The following ITGA4 variants were observed in gnomAD, a reference collection of about 807,000 sequenced individuals.
ITGA4 encodes the protein integrin alpha-4.
In ITGA4, 63 loss-of-function variants were observed where a neutral mutation model predicts 133.6. The ratio of observed to expected loss-of-function variants is 0.47; its 90% CI spans 0.38 to 0.58. ITGA4 has a LOEUF of 0.58. Among genes scored for constraint, ITGA4 ranks in the 20% least tolerant of loss-of-function variants. The pLI, the probability that ITGA4 is intolerant of heterozygous loss-of-function variation, is 0.00. For synonymous variants in ITGA4, 483 were observed against 438.0 expected, an observed-to-expected ratio of 1.10 and a Z score of -1.28; for missense variants, 1,076 against 1,252.7, an observed-to-expected ratio of 0.86 and a Z score of 2.13.
At chr2:181,491,834 T>C (rs1686054988) in intron 10 of ITGA4, among the ~76,000 whole-genome samples, 1 of 152,202 alleles carries the variant, frequency 6.6e-6, no homozygotes, top group Admixed American at 6.5e-5. Flanking sequence ...CAAATCTGAC[T>C]CCAGTTATTC....
At position 181,475,080 on chromosome 2, in the gene ITGA4, C is replaced by T; in HGVS notation, c.426+14C>T. 6.2e-7 allele frequency: 1 copy of T among 1,613,136 alleles called. No individual in the cohort carries two copies. The highest frequency in any genetic ancestry group is 8.5e-7 in the Non-Finnish European group (1 of 1,179,184). ...GGATCCATCGTGGTAGGTATTGGAA[C>T]TGGTCCACAGATCCATCGTGAAATC... On this transcript the variant is annotated intron_variant, in intron 3 of 27. Transcript: ENST00000397033.
chr2:181,460,410 T>C (rs1306523873), intron 2 of ITGA4, among the ~76,000 whole-genome samples: 2 of 152,162 alleles, frequency 1.3e-5, no homozygotes, highest in Admixed American at 1.3e-4. Flanking sequence ...AGCTATAAAA[T>C]AGGGATTGAG....
chr2:181,474,809 A>G, intron 2 of ITGA4, 151 bp from the exon 3 acceptor site: 1 of 613,418 alleles, frequency 1.6e-6, no homozygotes, highest in Non-Finnish European at 2.9e-6. Flanking sequence ...ATTAGTTGGC[A>G]CAGAGTAATT....
At position 181,458,296 on chromosome 2, in the gene ITGA4, A is replaced by G. The variant is rs1280395320; in HGVS notation, c.298A>G (p.Thr100Ala). 1 of 1,612,238 alleles carries G rather than the reference A, an allele frequency of 6.2e-7. No individual in the cohort carries two copies. The highest frequency in any genetic ancestry group is 8.5e-7 in the Non-Finnish European group (1 of 1,179,178). Residue 100 changes from threonine to alanine, a missense_variant, in exon 2 of 28, where the codon ACG (threonine) becomes GCG (alanine). Coordinates refer to ENST00000397033, the MANE Select transcript of ITGA4 (RefSeq NM_000885.6). ...CAGGATCGGAAAGAATCCCGGCCAGACGTGCGAACAGCTCCAGCTGGGTGA... is the reference window on the plus strand; with the variant it reads ...CAGGATCGGAAAGAATCCCGGCCAGGCGTGCGAACAGCTCCAGCTGGGTGA... ...RCRIGKNPGQ[T>A]CEQLQLGSPN...
chr2:181,486,572 C>A (rs1193679954), intron 10 of ITGA4, among the ~76,000 whole-genome samples: 1 of 152,120 alleles, frequency 6.6e-6, no homozygotes, highest in Non-Finnish European at 1.5e-5. Context: ...GGCTGTTTAC[C>A]CACTGATATT....
intron 7 of ITGA4, 146 bp from the exon 8 acceptor site, chr2:181,482,214 T>G: frequency 3.9e-6 from 3 of 777,896 alleles, no homozygotes; most frequent in Non-Finnish European, 5.7e-6. Flanking sequence ...CCCAAACCCT[T>G]TTGTGTCACT....
At position 181,485,745 on chromosome 2, in the gene ITGA4, T is replaced by C. The variant is rs76260365; in HGVS notation, c.1042-136T>C. 2.1e-3 allele frequency: 1,346 copies of C among 649,608 alleles called. 10 individuals are homozygous for C. The African/African-American group carries it at 0.023, about 11-fold the overall frequency. The allele number at this position is 649,608 out of a possible 1,614,324, so 40.2% of individuals were successfully genotyped here. ...ATTTATTGAATTGAACTGAGATGTG[T>C]GTACTAAAGCTCAGTCTGTAGTTTG... On this transcript the variant is annotated intron_variant, in intron 9 of 27. Coordinates refer to ENST00000397033, the MANE Select transcript of ITGA4 (RefSeq NM_000885.6).
At chr2:181,489,076 C>A (rs1004825687) in intron 10 of ITGA4, among the ~76,000 whole-genome samples, 4 of 150,384 alleles carry the variant, frequency 2.7e-5, no homozygotes, top group Non-Finnish European at 5.9e-5. Flanking sequence ...CCCATCTTCT[C>A]TTATTTTATT....
chr2:181,497,792 A>G (rs1008695243), intron 14 of ITGA4, among the ~76,000 whole-genome samples: 1 of 152,150 alleles, frequency 6.6e-6, no homozygotes, highest in African/African-American at 2.4e-5. Context: ...TTGCATGGCA[A>G]AGAACTCATT....
At position 181,521,252 on chromosome 2, in the gene ITGA4, T is replaced by C. The variant is rs201426751; in HGVS notation, c.1923-939T>C. ...AATGACATACTGTATTGGAAAGTTT[T>C]CCTTAGCACATAGCTGTTCTAACCC... On this transcript the variant is annotated intron_variant, in intron 17 of 27. Coordinates refer to ENST00000397033, the MANE Select transcript of ITGA4 (RefSeq NM_000885.6). 2.0e-5 allele frequency among the ~76,000 whole-genome samples: 3 copies of C among 152,158 alleles called. No homozygotes were observed. The East Asian group carries it at 5.8e-4, about 29-fold the overall frequency.
At position 181,523,265 on chromosome 2, in the gene ITGA4, C is replaced by T. The variant is rs1686758870; in HGVS notation, c.2074-172C>T. ...ACACATACATATATACACACATGCA[C>T]ACATATTTATATCATATGTCTATTT... is the stretch of plus-strand genomic sequence containing the variant. On this transcript the variant is annotated intron_variant, in intron 18 of 27. Coordinates refer to ENST00000397033, the MANE Select transcript of ITGA4 (RefSeq NM_000885.6). The surrounding 1 kb of genome is among the most constrained non-coding windows in gnomAD (Gnocchi z 4.2). 1.9e-6 allele frequency: 1 copy of T among 529,962 alleles called. No individual in the cohort carries two copies. Among genetic ancestry groups the T allele is most frequent in the Non-Finnish European group, 3.4e-6 (1 of 294,170 alleles). 32.8% of individuals were successfully genotyped at this position (529,962 alleles called of 1,614,324 possible).
In ITGA4 at chr2:181,536,313, T is replaced by A. The variant is rs1462219009; in HGVS notation, c.*786T>A. ...TCCTATAACACACCTTTATCAAGCA[T>A]ACCCAGGAGTAATCTTCAAATCTTT... is the stretch of plus-strand genomic sequence containing the variant. On this transcript the variant is annotated 3_prime_UTR_variant, in exon 28 of 28. Transcript: ENST00000397033. The A allele has an allele frequency of 3.9e-5, 6 of 152,106 alleles. No individual in the cohort carries two copies. Among genetic ancestry groups the A allele is most frequent in the Admixed American group, 3.3e-4 (5 of 15,238 alleles). The allele number at this position is 152,106 out of a possible 1,614,324, so 9.4% of individuals were successfully genotyped here. A position where few individuals can be genotyped will look rare whatever the true frequency, so the allele number is the denominator to read the frequency against.
In ITGA4 at chr2:181,457,623, G is replaced by A. The variant is rs918950787; in HGVS notation, c.-32G>A. 8.2e-6 allele frequency: 13 copies of A among 1,592,370 alleles called. No individual in the cohort carries two copies. The highest frequency in any genetic ancestry group is 8.1e-5 in the African/African-American group (6 of 74,156). On this transcript the variant is annotated 5_prime_UTR_variant, in exon 1 of 28. Transcript: ENST00000397033. ...CCCGTGCAACTTTGGGGTAGTGGCC[G>A]TTTAGTGTTGAATGTTCCCCACCGA... is the stretch of plus-strand genomic sequence containing the variant.
At chr2:181,475,422 T>C in intron 4 of ITGA4, 134 bp downstream of exon 4, 1 of 696,230 alleles carries the variant, frequency 1.4e-6, no homozygotes, top group Non-Finnish European at 2.4e-6. Flanking sequence ...TTTTAACTAC[T>C]CAATTTCTTT....
At position 181,482,225 on chromosome 2, in the gene ITGA4, C is replaced by G. The variant is rs917104232; in HGVS notation, c.841-135C>G. ...GGATCCCAAACCCTTTTGTGTCACT[C>G]TCAACAGGATTTATTTTTATATTTG... On this transcript the variant is annotated intron_variant, in intron 7 of 27. Transcript: ENST00000397033. 24 of 896,662 alleles carry G rather than the reference C, an allele frequency of 2.7e-5. No individual in the cohort carries two copies. In the African/African-American group the frequency reaches 4.0e-4, roughly 15 times the overall value. 55.5% of individuals were successfully genotyped at this position (896,662 alleles called of 1,614,324 possible).
At chr2:181,508,693 C>T (rs1036415379) in intron 15 of ITGA4, among the ~76,000 whole-genome samples, 9 of 146,244 alleles carry the variant, frequency 6.2e-5, no homozygotes, top group Non-Finnish European at 1.5e-5. Flanking sequence ...AAGACTGACT[C>T]AAAAACGAAA....
intron 17 of ITGA4, among the ~76,000 whole-genome samples, chr2:181,514,906 A>G (rs1686576465): frequency 6.6e-6 from 1 of 152,128 alleles, no homozygotes; most frequent in Admixed American, 6.6e-5. Flanking sequence ...ATTTAGAGTG[A>G]TAATATTTCT....
chr2:181,480,489 C>G (rs550697270), intron 6 of ITGA4, among the ~76,000 whole-genome samples: 5 of 152,142 alleles, frequency 3.3e-5, no homozygotes, highest in African/African-American at 1.2e-4. Context: ...ATATATAATT[C>G]TTAATAGAAC....
intron 22 of ITGA4, among the ~76,000 whole-genome samples, chr2:181,529,090 T>C (rs375873669): frequency 5.9e-5 from 9 of 152,138 alleles, no homozygotes; most frequent in South Asian, 4.1e-4. Flanking sequence ...AATACCTGAG[T>C]TTTGGTCATA....
Sources: allele counts gnomAD v4.1 joint callset (sites outside exome capture counted in the v4.1 genomes callset), GRCh38; gene constraint gnomAD v4.1.1; non-coding constraint Gnocchi (gnomAD v3.1); transcripts MANE v1.5; gene names NCBI Gene and HGNC (gene_info 2026-07-23, HGNC 2026-07-21).